The following C11orf65 variants were observed in gnomAD, a reference collection of about 807,000 sequenced individuals.
The protein encoded by C11orf65 is protein MFI.
In C11orf65, 38 loss-of-function variants were observed where a neutral mutation model predicts 35.3. That is an observed-to-expected ratio of 1.08 (90% confidence interval 0.83 to 1.41). C11orf65 has a LOEUF of 1.41. Among genes scored for constraint, C11orf65 ranks in the 40% most tolerant of loss-of-function variants. The pLI is 0.00. For missense variants in C11orf65, 370 were observed against 367.1 expected (o/e 1.01, Z -0.06); for synonymous variants, 105 against 114.4 (o/e 0.92, Z 0.53).
chr11:108,317,652 T>TATATACACACACACACACACAC (rs1399501257), intron 6 of C11orf65: 1 of 117,468 alleles, frequency 8.5e-6, no homozygotes, highest in East Asian at 2.4e-4. Context: ...TATATATATA[T>TATATACACACACACACACACAC]ACACACACAC....
chr11:108,447,312 C>A lies in C11orf65; in HGVS notation c.81+14167G>T, dbSNP rs563779236. 6.6e-5 allele frequency among the ~76,000 whole-genome samples: 10 copies of A among 152,198 alleles called. 1 individual carries two copies. In the South Asian group the frequency reaches 2.1e-3, roughly 32 times the overall value. On this transcript the variant is annotated intron_variant, in intron 2 of 8. Coordinates refer to ENST00000393084, the MANE Select transcript of C11orf65 (RefSeq NM_152587.5). ...TAGACATCTACAGAACTCTCCACCC[C>A]AAATCAACAGAATATACATTTTTTT... is the stretch of plus-strand genomic sequence containing the variant.
chr11:108,407,946 AAAAAAAG>A (rs1454558837), intron 3 of C11orf65, among the ~76,000 whole-genome samples: 5 of 142,318 alleles, frequency 3.5e-5, no homozygotes, highest in African/African-American at 2.5e-5. Context: ...AAAAAAAAAA[AAAAAAAG>A]AAAAGAAAAG....
At position 108,365,405 on chromosome 11, in the gene C11orf65, G is replaced by A. The variant is rs769548726; in HGVS notation, c.226+27803C>T. 3 of 1,614,188 alleles carry A rather than the reference G, an allele frequency of 1.9e-6. No homozygotes were observed. The East Asian group carries it at 6.7e-5, about 36-fold the overall frequency. Reference sequence around the variant, plus strand: ...GAGAAACTGAAAGGAGTGGAAGAAGGCACTGTGCTCAGTGTTGGTGGACAA... The same window carrying A: ...GAGAAACTGAAAGGAGTGGAAGAAGACACTGTGCTCAGTGTTGGTGGACAA... On this transcript the variant is annotated intron_variant, in intron 2 of 3. Transcript: ENST00000524755.
chr11:108,332,696 T>C, intron 3 of C11orf65: 1 of 1,531,296 alleles, frequency 6.5e-7, no homozygotes, highest in Admixed American at 1.8e-5. Flanking sequence ...TCTTTGTTTT[T>C]CTAACTCTGA....
At chr11:108,331,617 T>C in intron 3 of C11orf65, 1 of 1,401,388 alleles carries the variant, frequency 7.1e-7, no homozygotes, top group Admixed American at 2.7e-5. Flanking sequence ...TACTATATAT[T>C]ATATAAAGTA....
intron 3 of C11orf65, among the ~76,000 whole-genome samples, chr11:108,416,031 T>G (rs7127490): frequency 6.6e-6 from 1 of 151,932 alleles, no homozygotes; most frequent in Non-Finnish European, 1.5e-5. Context: ...GAAGATAACA[T>G]AGGAGGAAAT....
At position 108,429,829 on chromosome 11, in the gene C11orf65, C is replaced by T. The variant is rs568652897; in HGVS notation, c.174+1917G>A. Among the ~76,000 whole-genome samples, 118 of 152,206 alleles carry T rather than the reference C, an allele frequency of 7.8e-4. 1 individual carries two copies. In the South Asian group the frequency reaches 0.023, roughly 30 times the overall value. ...CAGCCTTAAGAAAGGAAAGAAATCC[C>T]GCAATAAACTATTACATGGGTGAAT... On this transcript the variant is annotated intron_variant, in intron 3 of 8. Coordinates refer to ENST00000393084, the MANE Select transcript of C11orf65 (RefSeq NM_152587.5).
At chr11:108,420,652 T>C (rs1390636977) in intron 3 of C11orf65, among the ~76,000 whole-genome samples, 14 of 152,204 alleles carry the variant, frequency 9.2e-5, no homozygotes, top group Admixed American at 9.2e-4. Flanking sequence ...TCTAACAGCA[T>C]ATCCCTTATT....
chr11:108,410,997 C>A lies in C11orf65; in HGVS notation c.175-3848G>T, dbSNP rs2092646266. Among the ~76,000 whole-genome samples, 4 of 152,256 alleles carry A rather than the reference C, an allele frequency of 2.6e-5. No homozygotes were observed. The South Asian group carries it at 8.3e-4, about 32-fold the overall frequency. On this transcript the variant is annotated intron_variant, in intron 3 of 8. Coordinates refer to ENST00000393084, the MANE Select transcript of C11orf65 (RefSeq NM_152587.5). The stretch of plus-strand genomic sequence containing the variant: ...CTGCTGGTATTACAGGCATGAGCCA[C>A]CATGCCCGGCCCCCTTCCTTTTACT...
rs1002895302 is a variant in C11orf65 at position 108,445,788 on chromosome 11, C to T, written c.82-13950G>A. Reference sequence around the variant, plus strand: ...CTGGATGGAGAATGACTTTGACGAGCTGAGAGAAGAAGGCTTCAGACGATC... The same window carrying T: ...CTGGATGGAGAATGACTTTGACGAGTTGAGAGAAGAAGGCTTCAGACGATC... On this transcript the variant is annotated intron_variant, in intron 2 of 8. Coordinates refer to ENST00000393084, the MANE Select transcript of C11orf65 (RefSeq NM_152587.5). 1.3e-4 allele frequency among the ~76,000 whole-genome samples: 19 copies of T among 151,932 alleles called. 1 individual carries two copies. The highest frequency in any genetic ancestry group is 3.9e-4 in the African/African-American group (16 of 41,410).
chr11:108,422,676 G>A (rs966602229), intron 3 of C11orf65, among the ~76,000 whole-genome samples: 8 of 152,148 alleles, frequency 5.3e-5, no homozygotes, highest in Non-Finnish European at 2.9e-5. Context: ...GAGGTCAGGA[G>A]ATGGAGACCA....
intron 2 of C11orf65, chr11:108,340,023 T>G (rs1370690677): frequency 6.6e-6 from 1 of 152,216 alleles, no homozygotes; most frequent in Non-Finnish European, 1.5e-5. Flanking sequence ...AGTAAAACAT[T>G]GCCCTAGTCC....
intron 6 of C11orf65, among the ~76,000 whole-genome samples, chr11:108,397,297 C>A (rs113646805): frequency 0.032 from 4,539 of 143,264 alleles, 110 homozygotes; most frequent in Non-Finnish European, 0.046. Context: ...CCAGCCTGGG[C>A]AGCAGAGCAA....
chr11:108,357,704 G>C (rs1162592109), intron 2 of C11orf65, among the ~76,000 whole-genome samples: 1 of 152,122 alleles, frequency 6.6e-6, no homozygotes, highest in Non-Finnish European at 1.5e-5. Flanking sequence ...TCACACGGCA[G>C]GGTACTCCAA....
chr11:108,343,150 G>C (rs2136933897), intron 2 of C11orf65: 2 of 1,582,482 alleles, frequency 1.3e-6, no homozygotes, highest in South Asian at 1.1e-5. Flanking sequence ...CACTGACTCT[G>C]ATAGCTGAAT....
chr11:108,400,127 T>A (rs574312304), intron 6 of C11orf65, among the ~76,000 whole-genome samples: 2 of 152,252 alleles, frequency 1.3e-5, no homozygotes, highest in South Asian at 4.1e-4. Context: ...GTTTGTTAGA[T>A]CACCTAGTAA....
chr11:108,450,002 C>G (rs573084001), intron 2 of C11orf65, among the ~76,000 whole-genome samples: 1 of 152,026 alleles, frequency 6.6e-6, no homozygotes. Context: ...CAAAAGAAGA[C>G]ATTTATGCAG....
At chr11:108,334,069 A>C in intron 3 of C11orf65, 1 of 895,602 alleles carries the variant, frequency 1.1e-6, no homozygotes. Context: ...TTGGTTAAAT[A>C]TTGGCAAATT....
chr11:108,331,662 A>G, intron 3 of C11orf65: 1 of 1,410,576 alleles, frequency 7.1e-7, no homozygotes, highest in Non-Finnish European at 9.5e-7. Context: ...GGAAATACAA[A>G]ATTTTGTATT....
Sources: gnomAD v4.1 joint callset for allele counts (sites outside exome capture counted in the v4.1 genomes callset) on GRCh38, gnomAD v4.1.1 for gene constraint, MANE v1.5 for transcripts, NCBI Gene and HGNC (gene_info 2026-07-23, HGNC 2026-07-21) for gene names.